The following RARB variants were observed in gnomAD, a reference collection of about 807,000 sequenced individuals.
RARB encodes the protein retinoic acid receptor beta, also known as HBV-activated protein.
In RARB, 17 loss-of-function variants were observed where a neutral mutation model predicts 51.9. The ratio of observed to expected loss-of-function variants is 0.33; its 90% CI spans 0.22 to 0.49. The LOEUF (loss-of-function observed/expected upper bound fraction) is 0.49, where lower values mean the gene tolerates loss of function less well. RARB is among the 20% of genes least tolerant of loss of function. The pLI, the probability that RARB is intolerant of heterozygous loss-of-function variation, is 0.99. For missense variants in RARB, 369 were observed against 550.8 expected, an observed-to-expected ratio of 0.67 and a Z score of 3.30; for synonymous variants, 215 against 195.4, an observed-to-expected ratio of 1.10 and a Z score of -0.84.
At chr3:25,537,148 G>A (rs955131825) in intron 3 of RARB, among the ~76,000 whole-genome samples, 2 of 152,182 alleles carry the variant, frequency 1.3e-5, no homozygotes, top group African/African-American at 4.8e-5. Flanking sequence ...CAAACCCACA[G>A]GGACAGAGGA....
intron 1 of RARB, among the ~76,000 whole-genome samples, chr3:25,447,098 A>G (rs1028360373): frequency 7.9e-5 from 12 of 152,150 alleles, no homozygotes; most frequent in Admixed American, 2.0e-4. Context: ...AATGTGTGTG[A>G]AAACACCCCT....
intron 2 of RARB, among the ~76,000 whole-genome samples, chr3:24,928,651 A>G (rs1695369192): frequency 6.6e-6 from 1 of 151,984 alleles, no homozygotes; most frequent in Non-Finnish European, 1.5e-5. Context: ...TTGTCTGCTT[A>G]TGCTTTTCAA....
At chr3:25,108,476 G>A (rs867300524) in intron 3 of RARB, among the ~76,000 whole-genome samples, 1 of 152,114 alleles carries the variant, frequency 6.6e-6, no homozygotes, top group Non-Finnish European at 1.5e-5. Flanking sequence ...AGAGGAAGAA[G>A]AAACAGATAG....
At chr3:24,953,131 G>A (rs1415828901) in intron 2 of RARB, among the ~76,000 whole-genome samples, 1 of 152,130 alleles carries the variant, frequency 6.6e-6, no homozygotes, top group African/African-American at 2.4e-5. Flanking sequence ...GATGCACGTA[G>A]ATAAAAGAGT....
intron 4 of RARB, among the ~76,000 whole-genome samples, chr3:25,139,779 T>G (rs560748838): frequency 3.1e-4 from 47 of 152,218 alleles, no homozygotes; most frequent in African/African-American, 1.1e-3. Context: ...AGAGGAGAAG[T>G]CAGTGCATGG....
chr3:25,130,806 G>A (rs1699933049), intron 3 of RARB, among the ~76,000 whole-genome samples: 1 of 150,458 alleles, frequency 6.6e-6, no homozygotes, highest in African/African-American at 2.5e-5. Context: ...TGCTTGATCT[G>A]GAAATTTTGA....
At chr3:24,940,967 G>C (rs562191214) in intron 2 of RARB, among the ~76,000 whole-genome samples, 1 of 152,086 alleles carries the variant, frequency 6.6e-6, no homozygotes, top group Non-Finnish European at 1.5e-5. Context: ...AATTTCTAAA[G>C]AACTTTTAAG....
chr3:24,889,084 A>C, intron 2 of RARB, among the ~76,000 whole-genome samples: 1 of 152,224 alleles, frequency 6.6e-6, no homozygotes, highest in East Asian at 1.9e-4. Flanking sequence ...AGAGCAATGC[A>C]CTGTCCCCTG....
intron 2 of RARB, among the ~76,000 whole-genome samples, chr3:25,005,623 C>A (rs938671532): frequency 6.6e-6 from 1 of 152,090 alleles, no homozygotes. Context: ...GCCTTAGAAG[C>A]CACAAACCGT....
intron 4 of RARB, among the ~76,000 whole-genome samples, chr3:25,574,955 G>C (rs1700865334): frequency 6.6e-6 from 1 of 152,152 alleles, no homozygotes; most frequent in South Asian, 2.1e-4. Context: ...TCACCTCACA[G>C]CTGTCTGACT....
chr3:25,381,468 T>A (rs1047585133), intron 5 of RARB, among the ~76,000 whole-genome samples: 1 of 152,218 alleles, frequency 6.6e-6, no homozygotes, highest in Non-Finnish European at 1.5e-5. Context: ...TAATATAATA[T>A]AACCTTTATA....
chr3:25,371,351 A>G (rs1706292758), intron 5 of RARB, among the ~76,000 whole-genome samples: 1 of 152,166 alleles, frequency 6.6e-6, no homozygotes, highest in Non-Finnish European at 1.5e-5. Context: ...CATTCAACCT[A>G]CTACAGTGCT....
Position 25,013,320 on chromosome 3 carries a change from C to A in RARB, c.-379-46805C>A, listed in dbSNP as rs115886070. Among the ~76,000 whole-genome samples the A allele has an allele frequency of 6.2e-3, 938 of 152,166 alleles. 7 individuals are homozygous for A. The highest frequency in any genetic ancestry group is 0.027 in the Middle Eastern group (8 of 294). Reference sequence around the variant, plus strand: ...ACCACTTTTGGCTCCCTGAAATGGCCCACATGAAAGATGCATTTGGCCCTA... The same window carrying A: ...ACCACTTTTGGCTCCCTGAAATGGCACACATGAAAGATGCATTTGGCCCTA... On this transcript the variant is annotated intron_variant, in intron 2 of 11. Coordinates refer to the RARB transcript ENST00000383772.
intron 5 of RARB, among the ~76,000 whole-genome samples, chr3:25,231,033 C>G (rs1702164779): frequency 6.6e-6 from 1 of 152,106 alleles, no homozygotes; most frequent in East Asian, 1.9e-4. Context: ...ATAAGAAAAT[C>G]TTAACAAAAT....
intron 3 of RARB, among the ~76,000 whole-genome samples, chr3:25,062,233 A>G (rs1351693215): frequency 6.6e-6 from 1 of 151,848 alleles, no homozygotes; most frequent in Non-Finnish European, 1.5e-5. Context: ...AAAGAAAATG[A>G]AAAAAGTGTT....
intron 5 of RARB, among the ~76,000 whole-genome samples, chr3:25,297,978 C>G (rs773929379): frequency 6.6e-6 from 1 of 151,952 alleles, no homozygotes; most frequent in African/African-American, 2.4e-5. Context: ...CTCTGTTTAC[C>G]TTGAGAAACT....
At chr3:25,358,488 A>G (rs535097698) in intron 5 of RARB, among the ~76,000 whole-genome samples, 2 of 152,120 alleles carry the variant, frequency 1.3e-5, no homozygotes, top group Non-Finnish European at 2.9e-5. Flanking sequence ...CTCTTGCCTG[A>G]TTGCCCTGGC....
chr3:25,531,517 T>A, intron 3 of RARB, among the ~76,000 whole-genome samples: 1 of 152,128 alleles, frequency 6.6e-6, no homozygotes, highest in East Asian at 1.9e-4. Context: ...TGGTAGTTTC[T>A]CTGGTGATAA....
chr3:25,500,073 C>G (rs1248454615), intron 2 of RARB, among the ~76,000 whole-genome samples: 2 of 152,044 alleles, frequency 1.3e-5, no homozygotes, highest in African/African-American at 2.4e-5. Flanking sequence ...ACATTACTAC[C>G]CGGTAACGCT....
Sources: allele counts gnomAD v4.1 joint callset (sites outside exome capture counted in the v4.1 genomes callset), GRCh38; gene constraint gnomAD v4.1.1; transcripts MANE v1.5; gene names NCBI Gene and HGNC (gene_info 2026-07-23, HGNC 2026-07-21).